MEGF6: variants seen among roughly 807,000 people sequenced by gnomAD.
MEGF6 encodes multiple EGF like domains 6, also known as multiple epidermal growth factor-like domains protein 6.
A neutral mutation model predicts 207.1 loss-of-function variants in MEGF6; 184 were observed. That is an observed-to-expected ratio of 0.89 (90% CI 0.79 to 1.00). MEGF6 has a LOEUF of 1.00. Among genes scored for constraint, MEGF6 ranks in the 50% least tolerant of loss-of-function variants. The pLI is 0.00. For missense variants in MEGF6, 2,282 were observed against 2,202.9 expected (o/e 1.04, Z -0.72); for synonymous variants, 1,038 against 910.0 (o/e 1.14, Z -2.53).
At chr1:3,551,634 T>C (rs1273861598) in intron 4 of MEGF6, among the ~76,000 whole-genome samples, 1 of 152,070 alleles carries the variant, frequency 6.6e-6, no homozygotes, top group Admixed American at 6.5e-5. Context: ...CTGACTTATA[T>C]TGCCACAGCC....
At chr1:3,534,495 GC>G (rs1397759367) in intron 4 of MEGF6, among the ~76,000 whole-genome samples, 1 of 152,192 alleles carries the variant, frequency 6.6e-6, no homozygotes, top group Non-Finnish European at 1.5e-5. Flanking sequence ...AACACTCTGT[GC>G]CTCAGTTTCC....
intron 11 of MEGF6, 119 bp downstream of exon 11, chr1:3,509,750 AG>A (rs1641263148): frequency 3.7e-6 from 5 of 1,342,372 alleles, no homozygotes; most frequent in Non-Finnish European, 3.0e-6. Context: ...CAGAGAGGCC[AG>A]GGGGCAAAGG....
chr1:3,562,926 G>A (rs1358647374), intron 4 of MEGF6, among the ~76,000 whole-genome samples: 2 of 152,144 alleles, frequency 1.3e-5, no homozygotes, highest in East Asian at 1.9e-4. Flanking sequence ...CCCACCCCCA[G>A]GAAGGACGGT....
intron 6 of MEGF6, among the ~76,000 whole-genome samples, chr1:3,514,878 G>T (rs1049864356): frequency 1.3e-5 from 2 of 152,152 alleles, no homozygotes; most frequent in African/African-American, 4.8e-5. Context: ...TCAGGACGCG[G>T]CCAGCCAGCC....
chr1:3,602,752 C>A, intron 1 of MEGF6, 152 bp from the exon 2 acceptor site: 1 of 1,209,416 alleles, frequency 8.3e-7, no homozygotes, highest in Non-Finnish European at 1.1e-6. Flanking sequence ...TGCCAGTGCC[C>A]CAGGCCAGCC....
intron 4 of MEGF6, among the ~76,000 whole-genome samples, chr1:3,546,001 G>T (rs993072775): frequency 6.6e-6 from 1 of 152,166 alleles, no homozygotes. Context: ...CGTTTGGCAA[G>T]GGAAGTTCTG....
upstream of MEGF6, among the ~76,000 whole-genome samples, chr1:3,612,783 G>A (rs910545145): frequency 5.9e-5 from 9 of 152,160 alleles, no homozygotes; most frequent in African/African-American, 1.9e-4. Flanking sequence ...TGACTGTCCC[G>A]ATAGGAGGGA....
chr1:3,549,711 G>A (rs760698898), intron 4 of MEGF6, among the ~76,000 whole-genome samples: 5 of 152,350 alleles, frequency 3.3e-5, no homozygotes, highest in South Asian at 2.1e-4. Context: ...GGCTATGGGC[G>A]TCACTTATGG....
In MEGF6 at chr1:3,497,127, G is replaced by A. The variant is rs1284823778; in HGVS notation, c.3482-8C>T. 3 of 1,574,290 alleles carry A rather than the reference G, an allele frequency of 1.9e-6. No homozygotes were observed. Among genetic ancestry groups the A allele is most frequent in the South Asian group, 2.3e-5 (2 of 87,012 alleles). ...AGCTGCCGGGTGGGCAGGCTGGGTG[G>A]AGACAGGCAGGGTCGGTCCTGGCCC... On this transcript the variant is annotated splice_region_variant and splice_polypyrimidine_tract_variant and intron_variant, in intron 27 of 36. Transcript: ENST00000356575.
chr1:3,598,020 TAGAA>T (rs1177865300), intron 2 of MEGF6, among the ~76,000 whole-genome samples: 1 of 151,816 alleles, frequency 6.6e-6, no homozygotes, highest in Non-Finnish European at 1.5e-5. Flanking sequence ...CAGAGAGACA[TAGAA>T]AGAGAAATCG....
At chr1:3,531,510 GGCCCCGCCCCGA>G (rs1260662287) in intron 4 of MEGF6, 7 of 1,038,778 alleles carry the variant, frequency 6.7e-6, no homozygotes, top group Middle Eastern at 4.5e-4. Flanking sequence ...AGCCGCCCCC[GGCCCCGCCCCGA>G]GCCCCGCCCC....
At chr1:3,514,793 C>T in intron 6 of MEGF6, 121 bp from the exon 7 acceptor site, 1 of 1,182,254 alleles carries the variant, frequency 8.5e-7, no homozygotes, top group African/African-American at 1.5e-5. Context: ...GTGCTCCAGG[C>T]TGATGGGCTG....
intron 24 of MEGF6, 131 bp from the exon 25 acceptor site, chr1:3,498,957 G>C (rs528302359): frequency 2.3e-4 from 331 of 1,414,058 alleles, no homozygotes; most frequent in Non-Finnish European, 3.1e-4. Flanking sequence ...AGGATGACCT[G>C]CCAGCCCAGC....
chr1:3,526,800 G>A lies in MEGF6; in HGVS notation c.482-2554C>T, dbSNP rs576592755. Among the ~76,000 whole-genome samples, 335 of 152,272 alleles carry A rather than the reference G, an allele frequency of 2.2e-3. 2 individuals are homozygous for A. Among genetic ancestry groups the A allele is most frequent in the African/African-American group, 7.3e-3 (304 of 41,554 alleles). On this transcript the variant is annotated intron_variant, in intron 4 of 36. Coordinates refer to ENST00000356575, the MANE Select transcript of MEGF6 (RefSeq NM_001409.4). ...TGAGAGCCGCCAAAGAGTCACCATG[G>A]GGAGAAAGATACACAGGTGCTCTTC...
intron 4 of MEGF6, among the ~76,000 whole-genome samples, chr1:3,576,744 C>T (rs560408985): frequency 4.0e-4 from 60 of 148,880 alleles, no homozygotes; most frequent in Non-Finnish European, 6.6e-4. Flanking sequence ...GCACACTCCA[C>T]CCTGCATGCC....
chr1:3,499,228 C>A lies in MEGF6; in HGVS notation c.3004G>T (p.Ala1002Ser). 1 of 1,606,056 alleles carries A rather than the reference C, an allele frequency of 6.2e-7. No homozygotes were observed. The highest frequency in any genetic ancestry group is 8.5e-7 in the Non-Finnish European group (1 of 1,177,508). ...GAGGCCCCGTTAAAGCAGGCACAGG[C>A]CTGGCTGCAATTGTGCCCGTAGGTG... is the stretch of plus-strand genomic sequence containing the variant. ...AHTYGHNCSQ[A>S]CACFNGASCD... is the part of the protein sequence containing the mutation. Residue 1002 changes from alanine to serine, a missense_variant, in exon 24 of 37, where the codon GCC becomes TCC. Ala to Ser is a moderately conservative substitution (Grantham distance 99). Transcript: ENST00000356575.
intron 4 of MEGF6, among the ~76,000 whole-genome samples, chr1:3,538,695 C>CGTGTGT (rs1330145759): frequency 2.1e-5 from 2 of 95,466 alleles, no homozygotes; most frequent in East Asian, 7.2e-4. Context: ...AGAGCATGTG[C>CGTGTGT]CTGTGTGTGT....
intron 3 of MEGF6, among the ~76,000 whole-genome samples, chr1:3,581,279 C>T (rs12084388): frequency 6.6e-6 from 1 of 152,134 alleles, no homozygotes; most frequent in South Asian, 2.1e-4. Flanking sequence ...CTCCTGCAAT[C>T]ACAGCCACTA....
At position 3,505,302 on chromosome 1, in the gene MEGF6, T is replaced by G. The variant is rs751688055; in HGVS notation, c.2094A>C (p.Ala698=). Residue 698 remains alanine, a synonymous_variant, in exon 17 of 37, where the codon GCA becomes GCC. Coordinates refer to ENST00000356575, the MANE Select transcript of MEGF6 (RefSeq NM_001409.4). ...AGGCCACGCCCACTGGGCAGGTGCATGCCTGCCAGCACCCCGGCCCAAAGT... is the reference window on the plus strand; with the variant it reads ...AGGCCACGCCCACTGGGCAGGTGCAGGCCTGCCAGCACCCCGGCCCAAAGT... The part of the protein sequence containing the change: ...LGYFGPGCWQ[A]CTCPVGVACD... 1 of 1,612,098 alleles carries G rather than the reference T, an allele frequency of 6.2e-7. No individual in the cohort carries two copies. Among genetic ancestry groups the G allele is most frequent in the South Asian group, 1.1e-5 (1 of 91,060 alleles).
Sources: allele counts gnomAD v4.1 joint callset (sites outside exome capture counted in the v4.1 genomes callset), GRCh38; gene constraint gnomAD v4.1.1; transcripts MANE v1.5; gene names NCBI Gene and HGNC (gene_info 2026-07-23, HGNC 2026-07-21).